SPATA17: variants seen among roughly 807,000 people sequenced by gnomAD.
The protein encoded by SPATA17 is spermatogenesis associated 17.
In SPATA17, 53 loss-of-function variants were observed where a neutral mutation model predicts 62.2. The ratio of observed to expected loss-of-function variants is 0.85; its 90% CI spans 0.68 to 1.07. The LOEUF (loss-of-function observed/expected upper bound fraction) is 1.07, where lower values mean the gene tolerates loss of function less well. Among genes scored for constraint, SPATA17 ranks in the 50% least tolerant of loss-of-function variants. The pLI is 0.00. For synonymous variants in SPATA17, 146 were observed against 146.8 expected (o/e 0.99, Z 0.04); for missense variants, 466 against 425.5 (o/e 1.10, Z -0.84).
intron 3 of SPATA17, among the ~76,000 whole-genome samples, chr1:217,662,699 GT>G (rs1372330434): frequency 3.9e-5 from 6 of 152,038 alleles, no homozygotes; most frequent in African/African-American, 1.4e-4. Context: ...TCTTTTCATG[GT>G]TGGCAAAAAT....
intron 5 of SPATA17, among the ~76,000 whole-genome samples, chr1:217,721,530 G>A (rs568235793): frequency 2.0e-5 from 3 of 152,140 alleles, no homozygotes; most frequent in Non-Finnish European, 2.9e-5. Flanking sequence ...TTTCTCTGCC[G>A]GTATCTCTGA....
chr1:217,796,189 C>A lies in SPATA17; in HGVS notation c.873-5529C>A, dbSNP rs1404301625. ...AGTTTAAAACATTTGATGTAAATGG[C>A]CTAAAAGAAGAGCCTATGTGAATGC... On this transcript the variant is annotated intron_variant, in intron 8 of 10. Coordinates refer to ENST00000366933, the MANE Select transcript of SPATA17 (RefSeq NM_138796.4). Among the ~76,000 whole-genome samples the A allele has an allele frequency of 2.0e-5, 3 of 151,980 alleles. 1 individual carries two copies. In the South Asian group the frequency reaches 6.2e-4, roughly 32 times the overall value.
Position 217,653,140 on chromosome 1 carries a change from G to A in SPATA17, c.240+1962G>A, listed in dbSNP as rs551973594. 3.1e-4 allele frequency among the ~76,000 whole-genome samples: 47 copies of A among 152,214 alleles called. 1 individual carries two copies. The highest frequency in any genetic ancestry group is 9.6e-4 in the African/African-American group (40 of 41,520). ...ATCACATGATAATTTTATTATATGT[G>A]AGTGAGTGTAGTGTGTGGATAGATA... On this transcript the variant is annotated intron_variant, in intron 3 of 10. Transcript: ENST00000366933.
chr1:217,734,558 A>T (rs569201432), intron 5 of SPATA17, among the ~76,000 whole-genome samples: 2 of 152,326 alleles, frequency 1.3e-5, no homozygotes, highest in African/African-American at 2.4e-5. Flanking sequence ...TTTACTTGCC[A>T]TGAAAACAGA....
intron 9 of SPATA17, among the ~76,000 whole-genome samples, chr1:217,816,135 A>G (rs1330950230): frequency 1.3e-5 from 2 of 152,088 alleles, no homozygotes. Flanking sequence ...TACTGAAAAA[A>G]TTTATAGATT....
chr1:217,743,510 C>G (rs896371472), intron 6 of SPATA17, among the ~76,000 whole-genome samples: 3 of 151,988 alleles, frequency 2.0e-5, no homozygotes, highest in Non-Finnish European at 2.9e-5. Flanking sequence ...CATCTTTATA[C>G]TCTGAATCTT....
At chr1:217,860,957 T>C (rs1675885704) in intron 9 of SPATA17, among the ~76,000 whole-genome samples, 1 of 152,158 alleles carries the variant, frequency 6.6e-6, no homozygotes, top group African/African-American at 2.4e-5. Flanking sequence ...TATTTAATTT[T>C]CTTTCACTCA....
chr1:217,785,828 G>A (rs989818971), intron 8 of SPATA17, among the ~76,000 whole-genome samples: 1 of 152,032 alleles, frequency 6.6e-6, no homozygotes. Context: ...AATAAACATA[G>A]CAAATAGGAC....
chr1:217,801,640 A>T (rs1674315001), intron 8 of SPATA17, 78 bp from the exon 9 acceptor site: 1 of 1,223,100 alleles, frequency 8.2e-7, no homozygotes, highest in Admixed American at 2.4e-5. Flanking sequence ...GTACTATAGT[A>T]CTTCTACAAA....
chr1:217,778,946 C>T (rs913773113), intron 7 of SPATA17, among the ~76,000 whole-genome samples: 8 of 152,182 alleles, frequency 5.3e-5, no homozygotes, highest in Admixed American at 2.0e-4. Context: ...TCTATGTACA[C>T]ATATACCTAT....
At chr1:217,685,332 T>A (rs1197337771) in intron 5 of SPATA17, among the ~76,000 whole-genome samples, 1 of 152,186 alleles carries the variant, frequency 6.6e-6, no homozygotes, top group Non-Finnish European at 1.5e-5. Flanking sequence ...AAAGAGGTGG[T>A]TTGGGAAAGG....
chr1:217,729,061 T>C (rs1672338334), intron 5 of SPATA17, among the ~76,000 whole-genome samples: 1 of 152,238 alleles, frequency 6.6e-6, no homozygotes, highest in Non-Finnish European at 1.5e-5. Flanking sequence ...GGGCATCCTC[T>C]AGCTTGGTTA....
chr1:217,754,643 ATAACTT>A (rs1322056163), intron 6 of SPATA17, among the ~76,000 whole-genome samples: 1 of 152,176 alleles, frequency 6.6e-6, no homozygotes, highest in Non-Finnish European at 1.5e-5. Context: ...GATTAGAAGA[ATAACTT>A]TATATAGATA....
At chr1:217,863,475 G>A (rs11117953) in intron 10 of SPATA17, among the ~76,000 whole-genome samples, 9,981 of 151,932 alleles carry the variant, frequency 0.066, 334 homozygotes, top group Middle Eastern at 0.082. Context: ...TACACAATAC[G>A]GTGAAAAAAT....
At chr1:217,854,477 TTTC>T in intron 9 of SPATA17, among the ~76,000 whole-genome samples, 1 of 152,268 alleles carries the variant, frequency 6.6e-6, no homozygotes, top group African/African-American at 2.4e-5. Flanking sequence ...AAGTCCTGTA[TTTC>T]TATTTAAATA....
chr1:217,776,525 C>A (rs948883316), intron 7 of SPATA17, among the ~76,000 whole-genome samples: 7 of 151,956 alleles, frequency 4.6e-5, no homozygotes, highest in African/African-American at 1.7e-4. Context: ...TACTCAAGTT[C>A]TCTCATGATG....
chr1:217,786,198 C>G (rs1054914278), intron 8 of SPATA17, among the ~76,000 whole-genome samples: 2 of 152,122 alleles, frequency 1.3e-5, no homozygotes, highest in African/African-American at 4.8e-5. Flanking sequence ...ATAGCTGAAA[C>G]TAACCAGGAA....
intron 5 of SPATA17, among the ~76,000 whole-genome samples, chr1:217,699,503 T>C (rs1251054520): frequency 1.3e-5 from 2 of 152,200 alleles, no homozygotes; most frequent in East Asian, 3.8e-4. Context: ...TTGCATATAC[T>C]TTTTTGAGAA....
At chr1:217,767,992 AT>A (rs1673344876) in intron 6 of SPATA17, among the ~76,000 whole-genome samples, 2 of 152,148 alleles carry the variant, frequency 1.3e-5, no homozygotes, top group African/African-American at 2.4e-5. Context: ...CATGCTTGTA[AT>A]TCCAGCACTT....
Sources: gnomAD v4.1 joint callset for allele counts (sites outside exome capture counted in the v4.1 genomes callset) on GRCh38, gnomAD v4.1.1 for gene constraint, MANE v1.5 for transcripts, NCBI Gene and HGNC (gene_info 2026-07-23, HGNC 2026-07-21) for gene names.